Variants in CEP112 observed in about 807,000 individuals in gnomAD.
CEP112 encodes the protein centrosomal protein 112, also known as centrosomal protein of 112 kDa.
Under a neutral mutation model 153.0 loss-of-function variants are expected in CEP112, and 127 were observed. That is an observed-to-expected ratio of 0.83 (90% confidence interval 0.72 to 0.96). The LOEUF (loss-of-function observed/expected upper bound fraction) is 0.96, where lower values mean the gene tolerates loss of function less well. CEP112 is among the 40% of genes least tolerant of loss of function. The pLI, the probability that CEP112 is intolerant of heterozygous loss-of-function variation, is 0.00. For missense variants in CEP112, 1,089 were observed against 1,101.2 expected (o/e 0.99, Z 0.16); for synonymous variants, 358 against 374.4 (o/e 0.96, Z 0.51).
chr17:66,050,920 C>G (rs1265436607), intron 12 of CEP112, among the ~76,000 whole-genome samples: 1 of 152,130 alleles, frequency 6.6e-6, no homozygotes, highest in Non-Finnish European at 1.5e-5. Context: ...TTTTCTTTAC[C>G]CTATTCCTAT....
In CEP112 at chr17:65,683,778, T is replaced by G. The variant is rs944188215; in HGVS notation, c.2697+5351A>C. ...CCAACTTCCAGCTGGGTGCGGTGGC[T>G]CAGGCCTGTAATACCAGCACTTTGG... is the stretch of plus-strand genomic sequence containing the variant. On this transcript the variant is annotated intron_variant, in intron 24 of 26. Transcript: ENST00000535342. 6.0e-4 allele frequency among the ~76,000 whole-genome samples: 91 copies of G among 152,166 alleles called. 3 individuals carry two copies. The highest frequency in any genetic ancestry group is 1.5e-5 in the Non-Finnish European group (1 of 68,044).
intron 17 of CEP112, among the ~76,000 whole-genome samples, chr17:65,988,190 T>A (rs1324780058): frequency 3.9e-5 from 6 of 152,120 alleles, no homozygotes; most frequent in Non-Finnish European, 8.8e-5. Context: ...AAGCAAAACC[T>A]GGGCTTAAGG....
chr17:65,837,103 T>G (rs2057337629), intron 21 of CEP112, among the ~76,000 whole-genome samples: 1 of 152,194 alleles, frequency 6.6e-6, no homozygotes. Context: ...GCTCACTCAG[T>G]GCTCAATGTT....
Position 66,002,949 on chromosome 17 carries a change from AAAATGG to A in CEP112, c.1736+2735_1736+2740del, listed in dbSNP as rs199547597. On this transcript the variant is annotated intron_variant, in intron 17 of 26. Transcript: ENST00000535342. ...CTACATCACAAAGCTGTCTTGCAGC[AAAATGG>A]AACTGTCTCTGGGCCAACCAGATCT... Among the ~76,000 whole-genome samples, 1,067 of 152,356 alleles carry A rather than the reference AAAATGG, an allele frequency of 7.0e-3. 8 individuals are homozygous for A. The highest frequency in any genetic ancestry group is 0.024 in the African/African-American group (1,006 of 41,586).
At chr17:65,743,369 G>T (rs2051245747) in intron 22 of CEP112, 152 bp from the exon 23 acceptor site, 4 of 557,526 alleles carry the variant, frequency 7.2e-6, no homozygotes, top group South Asian at 3.1e-5. Context: ...TATAATGCAT[G>T]AAATACCACA....
At chr17:65,937,810 C>A in intron 18 of CEP112, among the ~76,000 whole-genome samples, 1 of 101,996 alleles carries the variant, frequency 9.8e-6, no homozygotes, top group African/African-American at 3.3e-5. Context: ...GTCAGCCCCC[C>A]GCCCGGCCAG....
At chr17:66,124,099 G>C (rs1488454228) in intron 6 of CEP112, among the ~76,000 whole-genome samples, 1 of 152,030 alleles carries the variant, frequency 6.6e-6, no homozygotes, top group Non-Finnish European at 1.5e-5. Context: ...GGGTGGTCTG[G>C]GACTAGGGCA....
At chr17:65,861,478 C>T (rs1175355769) in intron 20 of CEP112, among the ~76,000 whole-genome samples, 1 of 152,104 alleles carries the variant, frequency 6.6e-6, no homozygotes, top group Non-Finnish European at 1.5e-5. Context: ...AAATCACAAA[C>T]TGGAAGGGAA....
chr17:65,782,212 G>A (rs1213254714), intron 21 of CEP112, among the ~76,000 whole-genome samples: 1 of 151,996 alleles, frequency 6.6e-6, no homozygotes, highest in African/African-American at 2.4e-5. Context: ...CTCAAAAGAA[G>A]ACATACAAGT....
chr17:65,928,513 C>T (rs576443737), intron 18 of CEP112, among the ~76,000 whole-genome samples: 10 of 152,242 alleles, frequency 6.6e-5, no homozygotes, highest in Non-Finnish European at 1.5e-4. Context: ...AAGAGGAAAC[C>T]ACCCAAATAT....
intron 12 of CEP112, among the ~76,000 whole-genome samples, chr17:66,031,497 T>TG (rs374846479): frequency 3.4e-5 from 5 of 148,184 alleles, no homozygotes; most frequent in Non-Finnish European, 5.9e-5. Flanking sequence ...TTTTTTTTTT[T>TG]TTTTGAGACA....
In CEP112 at chr17:65,985,121, G is replaced by C. The variant is rs367681501; in HGVS notation, c.1736+20569C>G. Reference sequence around the variant, plus strand: ...AAACCTGAATATAAAAGCAAAGAAAGAGAGAGAAGCCGCAGTTGAAGGGGT... The same window carrying C: ...AAACCTGAATATAAAAGCAAAGAAACAGAGAGAAGCCGCAGTTGAAGGGGT... On this transcript the variant is annotated intron_variant, in intron 17 of 26. Coordinates refer to ENST00000535342, the MANE Select transcript of CEP112 (RefSeq NM_001199165.4). Among the ~76,000 whole-genome samples the C allele has an allele frequency of 1.5e-3, 233 of 152,276 alleles. 4 individuals are homozygous for C. In the South Asian group the frequency reaches 0.03, roughly 19 times the overall value.
chr17:66,080,660 G>T (rs1017260819), intron 8 of CEP112, among the ~76,000 whole-genome samples: 1 of 152,150 alleles, frequency 6.6e-6, no homozygotes, highest in African/African-American at 2.4e-5. Context: ...TCCCATTACT[G>T]GGTATATACC....
At chr17:66,111,730 A>G (rs1483543268) in intron 6 of CEP112, among the ~76,000 whole-genome samples, 1 of 152,084 alleles carries the variant, frequency 6.6e-6, no homozygotes, top group African/African-American at 2.4e-5. Context: ...GGGAGGAGGG[A>G]GAAGAGAGAA....
rs572885489 is a variant in CEP112, at chr17:66,027,618, A to T, written c.1597-58T>A. ...TTTAAATTATACTAGAGTCAATAAA[A>T]TTAGCAACCTAATTAAATCAATCAA... is the stretch of plus-strand genomic sequence containing the variant. On this transcript the variant is annotated intron_variant, in intron 15 of 26. Transcript: ENST00000535342. 2.8e-6 allele frequency: 3 copies of T among 1,065,598 alleles called. No individual in the cohort carries two copies. In the African/African-American group the frequency reaches 5.0e-5, roughly 18 times the overall value. 66.0% of individuals were successfully genotyped at this position (1,065,598 alleles called of 1,614,324 possible).
intron 12 of CEP112, among the ~76,000 whole-genome samples, chr17:66,033,286 T>A (rs200001954): frequency 6.6e-6 from 1 of 151,950 alleles, no homozygotes; most frequent in Non-Finnish European, 1.5e-5. Flanking sequence ...AATATACAAA[T>A]AGAGTATACT....
chr17:65,917,628 C>T (rs1469840108), intron 19 of CEP112, among the ~76,000 whole-genome samples: 1 of 152,098 alleles, frequency 6.6e-6, no homozygotes, highest in Non-Finnish European at 1.5e-5. Flanking sequence ...CAAAGAAAAA[C>T]CTCAGTAATA....
chr17:65,870,077 G>GAAAGAAAGAAAGAAAGA (rs1555689593), intron 20 of CEP112, among the ~76,000 whole-genome samples: 3 of 147,862 alleles, frequency 2.0e-5, no homozygotes, highest in African/African-American at 7.6e-5. Context: ...AAGAAAGAAA[G>GAAAGAAAGAAAGAAAGA]AAAGAAAAGA....
rs771960019 is a variant in CEP112, at chr17:66,132,899, G to A, written c.471-136C>T. The A allele has an allele frequency of 6.3e-5, 41 of 649,306 alleles. 1 individual carries two copies. In the Middle Eastern group the frequency reaches 7.9e-4, roughly 13 times the overall value. 40.2% of individuals were successfully genotyped at this position (649,306 alleles called of 1,614,324 possible). A position where few individuals can be genotyped will look rare whatever the true frequency, so the allele number is the denominator to read the frequency against. On this transcript the variant is annotated intron_variant, in intron 4 of 26. Coordinates refer to ENST00000535342, the MANE Select transcript of CEP112 (RefSeq NM_001199165.4). Reference sequence around the variant, plus strand: ...TAACAATGATGTTCCATAGCCGGGCGTGGTGGCGAGTGCCTGTAATCCCAG... The same window carrying A: ...TAACAATGATGTTCCATAGCCGGGCATGGTGGCGAGTGCCTGTAATCCCAG...
Sources: allele counts gnomAD v4.1 joint callset (sites outside exome capture counted in the v4.1 genomes callset), GRCh38; gene constraint gnomAD v4.1.1; transcripts MANE v1.5; gene names NCBI Gene and HGNC (gene_info 2026-07-23, HGNC 2026-07-21).